Variants in GPC6 observed in about 807,000 individuals in gnomAD.
GPC6 encodes glypican-6.
A neutral mutation model predicts 55.2 loss-of-function variants in GPC6; 14 were observed. The ratio of observed to expected loss-of-function variants is 0.25; its 90% CI spans 0.17 to 0.40. The LOEUF (loss-of-function observed/expected upper bound fraction) is 0.40, where lower values mean the gene tolerates loss of function less well. Among genes scored for constraint, GPC6 ranks in the 10% least tolerant of loss-of-function variants. GPC6 has a pLI of 1.00. For missense variants in GPC6, 641 were observed against 708.5 expected (o/e 0.90, Z 1.08); for synonymous variants, 278 against 259.6 (o/e 1.07, Z -0.68).
At chr13:93,428,392 C>G (rs1466421693) in intron 1 of GPC6, among the ~76,000 whole-genome samples, 1 of 152,136 alleles carries the variant, frequency 6.6e-6, no homozygotes, top group African/African-American at 2.4e-5. Context: ...AGCAATCCAC[C>G]TCCTGCTGTT....
intron 4 of GPC6, among the ~76,000 whole-genome samples, chr13:94,125,577 C>T (rs747913393): frequency 1.3e-5 from 2 of 152,102 alleles, no homozygotes; most frequent in African/African-American, 4.8e-5. Flanking sequence ...ATCTTATCTT[C>T]CTGATCGTGT....
At chr13:93,712,011 C>G (rs1883085716) in intron 2 of GPC6, among the ~76,000 whole-genome samples, 1 of 151,686 alleles carries the variant, frequency 6.6e-6, no homozygotes, top group African/African-American at 2.4e-5. Context: ...CTGATGCATG[C>G]TACCTCCCTC....
intron 4 of GPC6, among the ~76,000 whole-genome samples, chr13:94,165,273 C>T (rs968699280): frequency 7.1e-6 from 1 of 141,672 alleles, no homozygotes; most frequent in African/African-American, 2.8e-5. Flanking sequence ...TATATATATA[C>T]ACATATATAT....
intron 1 of GPC6, among the ~76,000 whole-genome samples, chr13:93,361,553 T>C (rs1377353876): frequency 2.0e-5 from 3 of 152,206 alleles, no homozygotes. Flanking sequence ...ATTTCCTTTA[T>C]TCATTTAAAA....
intron 2 of GPC6, among the ~76,000 whole-genome samples, chr13:93,646,252 T>G (rs1185362470): frequency 6.6e-6 from 1 of 152,190 alleles, no homozygotes; most frequent in Non-Finnish European, 1.5e-5. Flanking sequence ...CTGAATTAAC[T>G]GCTTGAATTT....
At chr13:93,861,887 C>G (rs1049251082) in intron 3 of GPC6, among the ~76,000 whole-genome samples, 13 of 151,590 alleles carry the variant, frequency 8.6e-5, no homozygotes, top group African/African-American at 3.1e-4. Flanking sequence ...TCTAAAGTGT[C>G]GGAAGGTTAT....
At chr13:93,462,756 C>T (rs921933531) in intron 1 of GPC6, among the ~76,000 whole-genome samples, 2 of 151,788 alleles carry the variant, frequency 1.3e-5, no homozygotes, top group Non-Finnish European at 2.9e-5. Flanking sequence ...ATAAACTCTC[C>T]TGGGTTCAAG....
chr13:93,435,733 G>A (rs1257266413), intron 1 of GPC6, among the ~76,000 whole-genome samples: 2 of 152,164 alleles, frequency 1.3e-5, no homozygotes, highest in East Asian at 1.9e-4. Flanking sequence ...AGTTGTGAGT[G>A]GAGGTAGGAT....
intron 3 of GPC6, among the ~76,000 whole-genome samples, chr13:94,026,623 C>T (rs1226511582): frequency 6.6e-6 from 1 of 152,054 alleles, no homozygotes; most frequent in African/African-American, 2.4e-5. Flanking sequence ...TTTTGGTCTC[C>T]ACTATCTTGT....
chr13:93,486,664 T>C (rs1184653684), intron 1 of GPC6, among the ~76,000 whole-genome samples: 1 of 152,114 alleles, frequency 6.6e-6, no homozygotes, highest in Non-Finnish European at 1.5e-5. Context: ...GAGACCATCT[T>C]GGCCGGGCAC....
chr13:94,031,097 T>TGTGTGTGCGTGC (rs1362825482), intron 4 of GPC6, among the ~76,000 whole-genome samples: 1 of 148,210 alleles, frequency 6.7e-6, no homozygotes, highest in Non-Finnish European at 1.5e-5. Context: ...TGTGTGCGTG[T>TGTGTGTGCGTGC]GTGTGTGCGT....
chr13:94,314,155 G>A (rs1213069088), intron 6 of GPC6, among the ~76,000 whole-genome samples: 1 of 152,142 alleles, frequency 6.6e-6, no homozygotes, highest in African/African-American at 2.4e-5. Context: ...GACATGCTAT[G>A]TCTTCTCCAG....
At chr13:94,333,064 T>C (rs1464963125) in intron 6 of GPC6, among the ~76,000 whole-genome samples, 1 of 152,152 alleles carries the variant, frequency 6.6e-6, no homozygotes, top group Non-Finnish European at 1.5e-5. Context: ...GATTCCAGGG[T>C]CTTCATCTGC....
At chr13:94,103,254 T>C (rs1056011391) in intron 4 of GPC6, among the ~76,000 whole-genome samples, 2 of 152,228 alleles carry the variant, frequency 1.3e-5, no homozygotes, top group Admixed American at 6.5e-5. Context: ...CCATGGTGTA[T>C]ATGTGCCACA....
intron 2 of GPC6, among the ~76,000 whole-genome samples, chr13:93,743,187 A>G (rs750353024): frequency 6.6e-6 from 1 of 152,202 alleles, no homozygotes; most frequent in African/African-American, 2.4e-5. Flanking sequence ...TGGCAAATAT[A>G]GAAAGATCTT....
chr13:93,409,366 C>T (rs934241715), intron 1 of GPC6, among the ~76,000 whole-genome samples: 9 of 151,994 alleles, frequency 5.9e-5, no homozygotes, highest in African/African-American at 2.2e-4. Context: ...GAAAATAGTA[C>T]TTACTTTTGA....
chr13:94,100,929 G>T (rs1566405731), intron 4 of GPC6, among the ~76,000 whole-genome samples: 1 of 152,158 alleles, frequency 6.6e-6, no homozygotes, highest in African/African-American at 2.4e-5. Context: ...AAGATATACT[G>T]GGGGATATTA....
At chr13:94,402,621 C>T (rs746451319) in intron 8 of GPC6, among the ~76,000 whole-genome samples, 2 of 152,144 alleles carry the variant, frequency 1.3e-5, no homozygotes, top group Non-Finnish European at 2.9e-5. Context: ...CGTTTTCATA[C>T]TGCTATAAAG....
chr13:93,558,695 A>G (rs926918251), intron 2 of GPC6, among the ~76,000 whole-genome samples: 2 of 152,198 alleles, frequency 1.3e-5, no homozygotes, highest in Non-Finnish European at 2.9e-5. Context: ...GTTTATTTTC[A>G]TTTAAATAAT....
Sources: gnomAD v4.1 joint callset for allele counts (sites outside exome capture counted in the v4.1 genomes callset) on GRCh38, gnomAD v4.1.1 for gene constraint, MANE v1.5 for transcripts, NCBI Gene and HGNC (gene_info 2026-07-23, HGNC 2026-07-21) for gene names.